BMERB1: variants seen among roughly 807,000 people sequenced by gnomAD.
The protein encoded by BMERB1 is bMERB domain-containing protein 1.
Under a neutral mutation model 23.6 loss-of-function variants are expected in BMERB1, and 12 were observed. That is an observed-to-expected ratio of 0.51 (90% confidence interval 0.33 to 0.82). BMERB1 has a LOEUF of 0.82. Among genes scored for constraint, BMERB1 ranks in the 40% least tolerant of loss-of-function variants. The pLI is 0.03. For synonymous variants in BMERB1, 122 were observed against 96.6 expected (o/e 1.26, Z -1.54); for missense variants, 247 against 255.4 (o/e 0.97, Z 0.22).
chr16:15,565,032 T>C (rs1237482235), intron 2 of BMERB1, among the ~76,000 whole-genome samples: 1 of 150,954 alleles, frequency 6.6e-6, no homozygotes, highest in Non-Finnish European at 1.5e-5. Context: ...GGTTAATAAA[T>C]AGTTTTATAT....
intron 1 of BMERB1, among the ~76,000 whole-genome samples, chr16:15,472,016 C>T (rs2051233151): frequency 6.6e-6 from 1 of 151,984 alleles, no homozygotes; most frequent in Non-Finnish European, 1.5e-5. Context: ...CTTCTTTGAC[C>T]TAGAGATTAT....
At chr16:15,467,132 T>C (rs2051186859) in intron 1 of BMERB1, among the ~76,000 whole-genome samples, 1 of 152,228 alleles carries the variant, frequency 6.6e-6, no homozygotes, top group Non-Finnish European at 1.5e-5. Context: ...CAGGCTATTA[T>C]GCTTAATGCT....
intron 2 of BMERB1, among the ~76,000 whole-genome samples, chr16:15,519,742 C>G (rs775071525): frequency 6.6e-6 from 1 of 152,136 alleles, no homozygotes. Context: ...CCCCAAAGCT[C>G]TGGCACCCTC....
intron 1 of BMERB1, among the ~76,000 whole-genome samples, chr16:15,439,705 A>T (rs1336681110): frequency 6.6e-6 from 1 of 152,196 alleles, no homozygotes; most frequent in Non-Finnish European, 1.5e-5. Flanking sequence ...GCTCAGCTGG[A>T]AAATGTATAG....
rs1459520697 is a variant in BMERB1 at position 15,586,602 on chromosome 16, G to T, written c.503-115G>T. The T allele has an allele frequency of 2.6e-5, 21 of 813,384 alleles. No individual in the cohort carries two copies. The South Asian group carries it at 3.1e-4, about 12-fold the overall frequency. The allele number at this position is 813,384 out of a possible 1,614,324, so 50.4% of individuals were successfully genotyped here. A position where few individuals can be genotyped will look rare whatever the true frequency, so the allele number is the denominator to read the frequency against. On this transcript the variant is annotated intron_variant, in intron 5 of 5. Coordinates refer to ENST00000300006, the MANE Select transcript of BMERB1 (RefSeq NM_033201.3). ...ACCACCTGAACAAGGCCTGGAACAA[G>T]ACCTGGCCAGGGGTTGCAGTGGGGC... is the stretch of plus-strand genomic sequence containing the variant.
intron 1 of BMERB1, among the ~76,000 whole-genome samples, chr16:15,489,723 T>A (rs543872201): frequency 2.6e-5 from 4 of 152,310 alleles, no homozygotes; most frequent in African/African-American, 9.6e-5. Flanking sequence ...TCGAGGGGAC[T>A]GTTGACATTT....
intron 1 of BMERB1, among the ~76,000 whole-genome samples, chr16:15,453,868 G>A (rs879720019): frequency 6.6e-6 from 1 of 152,030 alleles, no homozygotes; most frequent in Non-Finnish European, 1.5e-5. Flanking sequence ...AGCTAACTCT[G>A]TCTCAAAAAT....
intron 2 of BMERB1, among the ~76,000 whole-genome samples, chr16:15,517,106 T>G (rs2051770589): frequency 6.6e-6 from 1 of 152,256 alleles, no homozygotes; most frequent in African/African-American, 2.4e-5. Context: ...AGGAAGGTTC[T>G]AGAACATTTC....
chr16:15,543,703 C>G (rs1288154315), intron 2 of BMERB1, among the ~76,000 whole-genome samples: 2 of 149,052 alleles, frequency 1.3e-5, no homozygotes, highest in Non-Finnish European at 2.9e-5. Context: ...TACCCATAAT[C>G]CCAGCTACTC....
At chr16:15,567,870 G>A (rs2030618876) in intron 2 of BMERB1, 113 bp from the exon 3 acceptor site, 7 of 878,848 alleles carry the variant, frequency 8.0e-6, no homozygotes, top group Admixed American at 7.5e-5. Context: ...AGCATGTATG[G>A]CCTCTTCAAA....
intron 1 of BMERB1, among the ~76,000 whole-genome samples, chr16:15,470,822 CCT>C (rs2051223297): frequency 7.3e-6 from 1 of 136,800 alleles, no homozygotes; most frequent in South Asian, 2.4e-4. Flanking sequence ...CCGCACCTGG[CCT>C]CTTTTTTTTT....
chr16:15,442,895 G>A (rs867801638), intron 1 of BMERB1, among the ~76,000 whole-genome samples: 3 of 152,088 alleles, frequency 2.0e-5, no homozygotes, highest in Non-Finnish European at 4.4e-5. Flanking sequence ...GAATAAGACA[G>A]AATCCCAGCC....
intron 1 of BMERB1, among the ~76,000 whole-genome samples, chr16:15,473,924 C>T (rs890961784): frequency 4.6e-5 from 7 of 151,832 alleles, no homozygotes; most frequent in Admixed American, 1.3e-4. Context: ...TCGAGACCAT[C>T]CTGGCTAACA....
chr16:15,488,616 G>A (rs903976917), intron 1 of BMERB1, among the ~76,000 whole-genome samples: 23 of 150,964 alleles, frequency 1.5e-4, no homozygotes, highest in African/African-American at 5.4e-4. Flanking sequence ...GGTGGATCAC[G>A]AGGTCAGGAG....
intron 1 of BMERB1, among the ~76,000 whole-genome samples, chr16:15,512,094 A>G (rs535886164): frequency 2.2e-4 from 34 of 151,524 alleles, no homozygotes; most frequent in Non-Finnish European, 1.2e-4. Flanking sequence ...TGTGAGAATC[A>G]ACTCCAGAGA....
intron 2 of BMERB1, among the ~76,000 whole-genome samples, chr16:15,558,629 C>T (rs2030333426): frequency 6.6e-6 from 1 of 151,916 alleles, no homozygotes; most frequent in African/African-American, 2.4e-5. Context: ...ACCGTAGTCA[C>T]ATATGTGTCG....
chr16:15,502,323 T>A, intron 1 of BMERB1: 1 of 1,551,278 alleles, frequency 6.4e-7, no homozygotes, highest in Non-Finnish European at 8.7e-7. Context: ...AATTCTTCCA[T>A]GTGGGGCGAC....
At chr16:15,575,630 AATTT>A (rs1457788611) in intron 3 of BMERB1, among the ~76,000 whole-genome samples, 6 of 152,136 alleles carry the variant, frequency 3.9e-5, no homozygotes, top group African/African-American at 7.2e-5. Flanking sequence ...CAAAAGCAGA[AATTT>A]ATTGAAAATG....
At chr16:15,517,484 C>A (rs2051776667) in intron 2 of BMERB1, among the ~76,000 whole-genome samples, 1 of 151,936 alleles carries the variant, frequency 6.6e-6, no homozygotes. Context: ...TCACTCCAGT[C>A]TGGGCAACAG....
Sources: gnomAD v4.1 joint callset for allele counts (sites outside exome capture counted in the v4.1 genomes callset) on GRCh38, gnomAD v4.1.1 for gene constraint, MANE v1.5 for transcripts, NCBI Gene and HGNC (gene_info 2026-07-23, HGNC 2026-07-21) for gene names.